Variants in SMTN observed in about 807,000 individuals in gnomAD.
The protein encoded by SMTN is smoothelin.
In SMTN, 58 loss-of-function variants were observed where a neutral mutation model predicts 102.0. The ratio of observed to expected loss-of-function variants is 0.57; its 90% CI spans 0.46 to 0.71. The LOEUF is 0.71. SMTN is among the 30% of genes least tolerant of loss of function. The probability of loss-of-function intolerance (pLI) is 0.00; values close to 1 mark genes in which losing one functional copy is unlikely to be tolerated. For missense variants in SMTN, 1,185 were observed against 1,241.7 expected (o/e 0.95, Z 0.69); for synonymous variants, 478 against 497.9 (o/e 0.96, Z 0.53).
chr22:31,072,684 A>G lies in SMTN; in HGVS notation c.-385-7766A>G, dbSNP rs569455484. On this transcript the variant is annotated intron_variant, in intron 1 of 3. Coordinates refer to the SMTN transcript ENST00000422839. Reference sequence around the variant, plus strand: ...ACCATCTTGGCCAGGCTAGTCTCGAACTCCTGACCTCTGGTGATCTGCCCG... The same window carrying G: ...ACCATCTTGGCCAGGCTAGTCTCGAGCTCCTGACCTCTGGTGATCTGCCCG... Among the ~76,000 whole-genome samples, 5 of 151,204 alleles carry G rather than the reference A, an allele frequency of 3.3e-5. No homozygotes were observed. In the East Asian group the frequency reaches 9.8e-4, roughly 29 times the overall value.
Position 31,104,486 on chromosome 22 carries a change from AG to A in SMTN, c.*192del. ...GTCTAGCCTGCCCGCCCGCATGGCC[AG>A]CCAGTGGCAAGCTGCCGCCCCCACT... On this transcript the variant is annotated 3_prime_UTR_variant, in exon 21 of 21. Coordinates refer to ENST00000333137, the MANE Select transcript of SMTN (RefSeq NM_134269.3). The A allele has an allele frequency of 6.2e-7, 1 of 1,608,746 alleles. No individual in the cohort carries two copies. The highest frequency in any genetic ancestry group is 8.5e-7 in the Non-Finnish European group (1 of 1,179,148).
chr22:31,073,231 A>G (rs906356567), intron 1 of SMTN, among the ~76,000 whole-genome samples: 3 of 141,360 alleles, frequency 2.1e-5, no homozygotes, highest in African/African-American at 9.0e-5. Flanking sequence ...CTCCCACCAC[A>G]CATACAGACA....
Position 31,095,380 on chromosome 22 carries a change from A to T in SMTN, c.1710A>T (p.Lys570Asn). 1.9e-6 allele frequency: 3 copies of T among 1,614,244 alleles called. No individual in the cohort carries two copies. The highest frequency in any genetic ancestry group is 1.7e-6 in the Non-Finnish European group (2 of 1,180,048). The change falls in exon 12 of 21, where the codon AAA becomes AAT. Residue 570 changes from lysine to asparagine, a missense_variant. By Grantham distance (94) the Lys-to-Asn change is moderately conservative (BLOSUM62 0). This residue lies in a region of SMTN where 1,096 missense variants were observed against 1,112.7 expected (regional missense o/e 0.98). Transcript: ENST00000333137. The surrounding 1 kb of genome is among the most constrained non-coding windows in gnomAD (Gnocchi z 4.1). ...GGGCTGAGCAGACCCGAGTGAACAA[A>T]GCACCAGAAGGGCGGAGCCCTCTGA... The part of the protein sequence containing the change: ...ANGAEQTRVN[K>N]APEGRSPLSA...
chr22:31,077,394 AC>A (rs1347749401), upstream of SMTN, among the ~76,000 whole-genome samples: 61 of 40,138 alleles, frequency 1.5e-3, no homozygotes, highest in African/African-American at 3.9e-3. Context: ...ACAAAACAAA[AC>A]AAAAAAAAAA....
chr22:31,071,494 T>G (rs1394289330), intron 1 of SMTN, among the ~76,000 whole-genome samples: 6 of 151,678 alleles, frequency 4.0e-5, no homozygotes, highest in Admixed American at 2.0e-4. Flanking sequence ...TAAAATTAGT[T>G]GGGCATAGTG....
At chr22:31,086,076 C>T (rs2042678845) in intron 2 of SMTN, among the ~76,000 whole-genome samples, 1 of 152,238 alleles carries the variant, frequency 6.6e-6, no homozygotes, top group Non-Finnish European at 1.5e-5. Flanking sequence ...TCCAAATGTA[C>T]CACAGAAGGC....
chr22:31,066,580 T>G (rs2041855262), intron 1 of SMTN: 1 of 152,328 alleles, frequency 6.6e-6, no homozygotes, highest in Non-Finnish European at 1.5e-5. Context: ...GTGCTGGGAT[T>G]ACAGGCGTGA....
intron 1 of SMTN, among the ~76,000 whole-genome samples, chr22:31,071,696 C>CT (rs760104691): frequency 0.037 from 3,271 of 87,778 alleles, 245 homozygotes; most frequent in East Asian, 0.36. Flanking sequence ...CTCTCTCTCT[C>CT]TTTTTTTTTT....
rs1289056465 is a variant in SMTN, at chr22:31,097,138, C to T, written c.2089+78C>T. On this transcript the variant is annotated intron_variant, in intron 15 of 20. Transcript: ENST00000333137. ...CCGGCTCTTCCTTGAGCTCTCTCTCCGTGTCTTCAACTGTGCCGTCACTTT... is the reference window on the plus strand; with the variant it reads ...CCGGCTCTTCCTTGAGCTCTCTCTCTGTGTCTTCAACTGTGCCGTCACTTT... 17 of 1,522,554 alleles carry T rather than the reference C, an allele frequency of 1.1e-5. No individual in the cohort carries two copies. The East Asian group carries it at 2.0e-4, about 18-fold the overall frequency. 94.3% of individuals were successfully genotyped at this position (1,522,554 alleles called of 1,614,324 possible).
chr22:31,085,882 G>A (rs2042663057), intron 2 of SMTN, among the ~76,000 whole-genome samples: 1 of 152,230 alleles, frequency 6.6e-6, no homozygotes, highest in Admixed American at 6.5e-5. Flanking sequence ...AAGCTCCGGG[G>A]GTTGTGCTGT....
At chr22:31,072,733 A>T (rs1483666829) in intron 1 of SMTN, among the ~76,000 whole-genome samples, 1 of 151,984 alleles carries the variant, frequency 6.6e-6, no homozygotes, top group Non-Finnish European at 1.5e-5. Context: ...GAGTGCTGGG[A>T]TTACAGGCAT....
intron 5 of SMTN, 38 bp downstream of exon 5, chr22:31,088,815 T>C: frequency 6.2e-7 from 1 of 1,610,276 alleles, no homozygotes; most frequent in Non-Finnish European, 8.5e-7. Context: ...TGCCCTGCTG[T>C]CTGCTGTCCA....
rs903146588 is a variant in SMTN at position 31,098,980 on chromosome 22, C to T, written c.2334-82C>T. ...GCAAAGGCCCGAAGGTCATGGAAGG[C>T]GGGGCCTGGGATCCACTGGGTGGGC... On this transcript the variant is annotated intron_variant, in intron 17 of 20. Transcript: ENST00000333137. 184 of 1,536,234 alleles carry T rather than the reference C, an allele frequency of 1.2e-4. 1 individual carries two copies. The African/African-American group carries it at 1.9e-3, about 16-fold the overall frequency.
intron 1 of SMTN, among the ~76,000 whole-genome samples, chr22:31,072,775 T>C (rs2042034615): frequency 1.3e-5 from 2 of 152,142 alleles, no homozygotes; most frequent in African/African-American, 4.8e-5. Flanking sequence ...TTTTCTTTTT[T>C]TTAAGACAAG....
At chr22:31,083,497 T>C (rs1375659034) in intron 2 of SMTN, 188 bp downstream of exon 2, 9 of 668,656 alleles carry the variant, frequency 1.3e-5, no homozygotes, top group Admixed American at 3.1e-5. Context: ...TGCCTGTCCA[T>C]GCCTGGTACT....
chr22:31,090,943 C>T lies in SMTN; in HGVS notation c.938-18C>T, dbSNP rs770275515. The T allele has an allele frequency of 6.2e-7, 1 of 1,612,312 alleles. No homozygotes were observed. The highest frequency in any genetic ancestry group is 1.1e-5 in the South Asian group (1 of 91,030). The stretch of plus-strand genomic sequence containing the variant: ...CCCTGTCCCACCCAGTTGCTGACAG[C>T]CCTCCTGTTCCTTCTAGAGTCCACC... On this transcript the variant is annotated intron_variant, in intron 9 of 20. Transcript: ENST00000333137.
chr22:31,090,261 C>T, intron 8 of SMTN, 81 bp downstream of exon 8: 3 of 1,196,274 alleles, frequency 2.5e-6, no homozygotes, highest in Non-Finnish European at 3.5e-6. Flanking sequence ...AAAATGGGCT[C>T]TTGTGCCTGG....
In SMTN at chr22:31,097,715, G is replaced by GATAGATAAATAA. The variant is rs377645962; in HGVS notation, c.2159+380_2159+381insGATAAATAAATA. ...CGAGACTCAGTCTCAAAAATAAATA[G>GATAGATAAATAA]ATAAATAAATAAATAAATAAATAAA... On this transcript the variant is annotated intron_variant, in intron 16 of 20. Transcript: ENST00000333137. 4.5e-3 allele frequency among the ~76,000 whole-genome samples: 663 copies of GATAGATAAATAA among 145,886 alleles called. 9 individuals carry two copies. Among genetic ancestry groups the GATAGATAAATAA allele is most frequent in the African/African-American group, 0.016 (632 of 38,722 alleles).
intron 1 of SMTN, among the ~76,000 whole-genome samples, chr22:31,081,803 A>C (rs2147538789): frequency 6.6e-6 from 1 of 152,272 alleles, no homozygotes; most frequent in Admixed American, 6.5e-5. Flanking sequence ...TGGGTGTCCT[A>C]GATTAGGCAT....
Sources: allele counts gnomAD v4.1 joint callset (sites outside exome capture counted in the v4.1 genomes callset), GRCh38; gene constraint gnomAD v4.1.1; regional missense constraint gnomAD v4.1.1; non-coding constraint Gnocchi (gnomAD v3.1); transcripts MANE v1.5; gene names NCBI Gene and HGNC (gene_info 2026-07-23, HGNC 2026-07-21).